The following TRAPPC9 variants were observed in gnomAD, a reference collection of about 807,000 sequenced individuals.
The protein encoded by TRAPPC9 is trafficking protein particle complex subunit 9.
TRAPPC9 carries 83 observed loss-of-function variants against 124.0 expected under a neutral mutation model. The ratio of observed to expected loss-of-function variants is 0.67; its 90% CI spans 0.56 to 0.80. The LOEUF is 0.80. Among genes scored for constraint, TRAPPC9 ranks in the 30% least tolerant of loss-of-function variants. The probability of loss-of-function intolerance (pLI) is 0.00; values close to 1 mark genes in which losing one functional copy is unlikely to be tolerated. For missense variants in TRAPPC9, 1,302 were observed against 1,508.3 expected (o/e 0.86, Z 2.27); for synonymous variants, 638 against 617.5 (o/e 1.03, Z -0.49).
At chr8:140,458,344 G>C, upstream of TRAPPC9, 1 of 1,586,614 alleles carries the variant, frequency 6.3e-7, no homozygotes, top group Non-Finnish European at 8.6e-7. Context: ...TGGAGGCCCC[G>C]CGGAAGCCCA....
intron 16 of TRAPPC9, among the ~76,000 whole-genome samples, chr8:140,250,366 T>C (rs183076920): frequency 6.6e-6 from 1 of 152,230 alleles, no homozygotes; most frequent in Non-Finnish European, 1.5e-5. Context: ...CTGTGAATTT[T>C]TTAAGCGTCA....
chr8:140,069,240 G>A (rs1843019826), intron 17 of TRAPPC9, among the ~76,000 whole-genome samples: 1 of 152,232 alleles, frequency 6.6e-6, no homozygotes, highest in Admixed American at 6.5e-5. Flanking sequence ...GAGTGTAGCA[G>A]TGGCGCAGAA....
intron 21 of TRAPPC9, among the ~76,000 whole-genome samples, chr8:139,763,867 AG>A (rs545125950): frequency 1.3e-5 from 2 of 152,218 alleles, no homozygotes; most frequent in Non-Finnish European, 2.9e-5. Flanking sequence ...GGAAGGGGTC[AG>A]GTGTTGGGCC....
At chr8:139,863,195 G>A (rs753585768) in intron 21 of TRAPPC9, among the ~76,000 whole-genome samples, 7 of 152,228 alleles carry the variant, frequency 4.6e-5, no homozygotes, top group Admixed American at 2.0e-4. Flanking sequence ...CTCAGCTCTC[G>A]CTCAGGTGGG....
intron 17 of TRAPPC9, among the ~76,000 whole-genome samples, chr8:140,144,583 G>T (rs778724713): frequency 1.3e-5 from 2 of 152,156 alleles, no homozygotes; most frequent in Admixed American, 6.5e-5. Context: ...CCATCTCTCA[G>T]GTTCAAGCGA....
intron 21 of TRAPPC9, among the ~76,000 whole-genome samples, chr8:139,828,293 G>GTT (rs1312064336): frequency 6.6e-6 from 1 of 152,188 alleles, no homozygotes; most frequent in Non-Finnish European, 1.5e-5. Context: ...CTGAACTGGC[G>GTT]TGAGGACAGA....
intron 9 of TRAPPC9, among the ~76,000 whole-genome samples, chr8:140,338,712 G>A (rs181026182): frequency 2.0e-5 from 3 of 151,622 alleles, no homozygotes; most frequent in African/African-American, 4.8e-5. Context: ...CCACCTACAG[G>A]CCGACGGGAA....
intron 9 of TRAPPC9, among the ~76,000 whole-genome samples, chr8:140,351,179 A>C (rs112520904): frequency 0.013 from 1,897 of 151,570 alleles, 47 homozygotes; most frequent in Non-Finnish European, 0.017. Context: ...GATGAGAGAC[A>C]CAGGCCCACG....
At chr8:140,322,657 C>A (rs1229443452) in intron 9 of TRAPPC9, among the ~76,000 whole-genome samples, 3 of 150,314 alleles carry the variant, frequency 2.0e-5, no homozygotes, top group Non-Finnish European at 4.4e-5. Context: ...GCAAGACCCC[C>A]ATCTCTACAA....
chr8:140,192,485 CG>C (rs1319469035), intron 17 of TRAPPC9, among the ~76,000 whole-genome samples: 1 of 152,166 alleles, frequency 6.6e-6, no homozygotes, highest in Non-Finnish European at 1.5e-5. Flanking sequence ...GTGCCTGGGG[CG>C]TGTTTTCTAG....
intron 17 of TRAPPC9, among the ~76,000 whole-genome samples, chr8:140,049,971 A>G (rs192081865): frequency 1.7e-3 from 252 of 152,326 alleles, no homozygotes; most frequent in South Asian, 4.6e-3. Context: ...TACACGCCAA[A>G]TGACACATGC....
chr8:139,771,334 G>A (rs538090400), intron 21 of TRAPPC9, among the ~76,000 whole-genome samples: 3 of 152,202 alleles, frequency 2.0e-5, no homozygotes, highest in Admixed American at 1.3e-4. Flanking sequence ...CAGTCCTGGC[G>A]CCTCCTGTCA....
intron 21 of TRAPPC9, among the ~76,000 whole-genome samples, chr8:139,829,453 C>T (rs1403896003): frequency 2.0e-5 from 3 of 152,256 alleles, no homozygotes; most frequent in Admixed American, 6.5e-5. Flanking sequence ...GTCTCCCACA[C>T]GTGCTATAAT....
At chr8:140,074,512 T>C (rs571821898) in intron 17 of TRAPPC9, among the ~76,000 whole-genome samples, 4 of 152,296 alleles carry the variant, frequency 2.6e-5, no homozygotes, top group African/African-American at 4.8e-5. Context: ...AGGAAGGAGA[T>C]GCACAGAAGA....
intron 17 of TRAPPC9, among the ~76,000 whole-genome samples, chr8:140,080,407 T>C (rs1465109055): frequency 6.6e-6 from 1 of 152,224 alleles, no homozygotes; most frequent in Non-Finnish European, 1.5e-5. Flanking sequence ...TATTTTGCTA[T>C]GATTCTGGTA....
chr8:140,069,874 C>T (rs1034388719), intron 17 of TRAPPC9, among the ~76,000 whole-genome samples: 4 of 152,186 alleles, frequency 2.6e-5, no homozygotes, highest in African/African-American at 9.7e-5. Flanking sequence ...GAGGCTGCTG[C>T]TGTCAGTCCT....
intron 21 of TRAPPC9, among the ~76,000 whole-genome samples, chr8:139,735,727 G>A (rs1818118661): frequency 6.6e-6 from 1 of 151,964 alleles, no homozygotes; most frequent in Admixed American, 6.6e-5. Context: ...GCAGAGGACT[G>A]GTCTGTGGGC....
intron 16 of TRAPPC9, among the ~76,000 whole-genome samples, chr8:140,251,609 C>T (rs960602320): frequency 2.6e-5 from 4 of 152,226 alleles, no homozygotes; most frequent in African/African-American, 7.2e-5. Flanking sequence ...GACTGAGCTG[C>T]GTCCCCCTTC....
At chr8:140,112,289 G>A (rs762529835) in intron 17 of TRAPPC9, among the ~76,000 whole-genome samples, 4 of 151,880 alleles carry the variant, frequency 2.6e-5, no homozygotes, top group Non-Finnish European at 4.4e-5. Flanking sequence ...GAGAATTCCA[G>A]ATGATGGTGG....
Sources: allele counts gnomAD v4.1 joint callset (sites outside exome capture counted in the v4.1 genomes callset), GRCh38; gene constraint gnomAD v4.1.1; transcripts MANE v1.5; gene names NCBI Gene and HGNC (gene_info 2026-07-23, HGNC 2026-07-21).